Variants in ANKDD1B observed in about 807,000 individuals in gnomAD.
The protein encoded by ANKDD1B is ankyrin repeat and death domain containing 1B.
A neutral mutation model predicts 59.7 loss-of-function variants in ANKDD1B; 57 were observed. The ratio of observed to expected loss-of-function variants is 0.95; its 90% CI spans 0.77 to 1.19. ANKDD1B has a LOEUF of 1.19. ANKDD1B is among the 50% of genes most tolerant of loss of function. The pLI is 0.00. For synonymous variants in ANKDD1B, 216 were observed against 239.5 expected, an observed-to-expected ratio of 0.90 and a Z score of 0.91; for missense variants, 602 against 641.9, an observed-to-expected ratio of 0.94 and a Z score of 0.67.
chr5:75,616,801 C>G lies in ANKDD1B; in HGVS notation c.194-3C>G, dbSNP rs1352859334. ...CAGTCATGCTTGCTTTGCTTTCTTT[C>G]AGTACTCCCAAATGAGAGAAGCTTT... On this transcript the variant is annotated splice_region_variant and splice_polypyrimidine_tract_variant and intron_variant, in intron 1 of 13. Transcript: ENST00000601380. 1.4e-6 allele frequency: 2 copies of G among 1,463,556 alleles called. No homozygotes were observed. The highest frequency in any genetic ancestry group is 2.5e-5 in the South Asian group (2 of 81,188). 90.7% of individuals were successfully genotyped at this position (1,463,556 alleles called of 1,614,324 possible). A position where few individuals can be genotyped will look rare whatever the true frequency, so the allele number is the denominator to read the frequency against.
intron 12 of ANKDD1B, among the ~76,000 whole-genome samples, chr5:75,668,206 G>T (rs1579984089): frequency 1.3e-5 from 2 of 152,232 alleles, no homozygotes; most frequent in South Asian, 4.1e-4. Flanking sequence ...AGGGCCTGGA[G>T]TGTTTATTTC....
intron 10 of ANKDD1B, among the ~76,000 whole-genome samples, chr5:75,662,838 AT>A (rs1347355722): frequency 6.6e-6 from 1 of 152,118 alleles, no homozygotes; most frequent in Non-Finnish European, 1.5e-5. Flanking sequence ...GTATGGTATA[AT>A]AGAAAAAATT....
intron 5 of ANKDD1B, among the ~76,000 whole-genome samples, chr5:75,627,183 C>T (rs1024461065): frequency 1.3e-5 from 2 of 152,144 alleles, no homozygotes; most frequent in African/African-American, 4.8e-5. Flanking sequence ...TAAGCAAGCT[C>T]TTCAATTTCT....
rs1706456505 is a variant in ANKDD1B at position 75,663,468 on chromosome 5, G to C, written c.1170G>C (p.Glu390Asp). The C allele has an allele frequency of 2.0e-6, 3 of 1,536,420 alleles. No homozygotes were observed. In the African/African-American group the frequency reaches 4.1e-5, roughly 21 times the overall value. Reference protein sequence around the residue: ...SLVVGMLIKAERYYAWREEHH... With the variant: ...SLVVGMLIKADRYYAWREEHH... ...TCGTGGGCATGCTCATTAAAGCAGA[G>C]AGATACTACGCCTGGAGAGAGGTAA... The change falls in exon 11 of 14, where the codon GAG becomes GAC. Residue 390 changes from glutamate to aspartate, a missense_variant. Transcript: ENST00000601380.
chr5:75,635,512 T>G, intron 6 of ANKDD1B: 1 of 293,742 alleles, frequency 3.4e-6, no homozygotes, highest in Non-Finnish European at 6.2e-6. Context: ...GGAATTGCTT[T>G]TGTTGCTCCA....
At chr5:75,616,567 T>A (rs920750879) in intron 1 of ANKDD1B, among the ~76,000 whole-genome samples, 3 of 152,178 alleles carry the variant, frequency 2.0e-5, no homozygotes, top group African/African-American at 4.8e-5. Context: ...TCATGAATAA[T>A]GTTTTGTTTG....
chr5:75,627,734 C>T (rs1406827761), intron 5 of ANKDD1B, among the ~76,000 whole-genome samples: 4 of 152,162 alleles, frequency 2.6e-5, no homozygotes, highest in Non-Finnish European at 5.9e-5. Flanking sequence ...CAGTTATTTT[C>T]CCCTTCAATG....
In ANKDD1B at chr5:75,652,932, A is replaced by G. The variant is rs78590014; in HGVS notation, c.799-210A>G. ...GTACAGCATAGTAACATAGTAACAT[A>G]GTTAAGTACTTGTGCCATAGGAATT... On this transcript the variant is annotated intron_variant, in intron 7 of 13. Transcript: ENST00000601380. Among the ~76,000 whole-genome samples, 499 of 152,346 alleles carry G rather than the reference A, an allele frequency of 3.3e-3. 1 individual carries two copies. The highest frequency in any genetic ancestry group is 0.03 in the East Asian group (155 of 5,186).
At position 75,666,853 on chromosome 5, in the gene ANKDD1B, A is replaced by T. The variant is rs1397735689; in HGVS notation, c.1253A>T (p.His418Leu). Residue 418 changes from histidine to leucine, a missense_variant, in exon 12 of 14, where the codon CAC (histidine) becomes CTC (leucine). Coordinates refer to ENST00000601380, the MANE Select transcript of ANKDD1B (RefSeq NM_001276713.2). ...TGFTLTFKQD[H>L]SLETRHIRTL... ...TTTACTCTGACATTCAAGCAAGATC[A>T]CAGTCTGGAGACCAGACACATTCGC... 3.3e-6 allele frequency: 5 copies of T among 1,535,992 alleles called. No individual in the cohort carries two copies. The highest frequency in any genetic ancestry group is 2.7e-5 in the African/African-American group (2 of 73,160).
intron 9 of ANKDD1B, among the ~76,000 whole-genome samples, chr5:75,657,990 T>C (rs1775018747): frequency 1.1e-4 from 16 of 151,390 alleles, no homozygotes; most frequent in Admixed American, 9.9e-4. Flanking sequence ...GATAGGAGGA[T>C]TGCCTGAGGC....
chr5:75,668,303 C>T (rs34357), intron 12 of ANKDD1B, among the ~76,000 whole-genome samples: 127,934 of 151,994 alleles, frequency 0.84, 53,964 homozygotes, highest in African/African-American at 0.91. Context: ...AACAATGACA[C>T]TTGCAATTCA....
At chr5:75,615,429 A>T (rs1485414414) in intron 1 of ANKDD1B, among the ~76,000 whole-genome samples, 1 of 152,190 alleles carries the variant, frequency 6.6e-6, no homozygotes, top group Non-Finnish European at 1.5e-5. Flanking sequence ...GAGTAGGGGT[A>T]GGAACGAAGA....
intron 5 of ANKDD1B, among the ~76,000 whole-genome samples, chr5:75,627,605 A>G (rs1413748522): frequency 1.3e-5 from 2 of 152,232 alleles, no homozygotes; most frequent in Non-Finnish European, 2.9e-5. Flanking sequence ...TAGTATCAGA[A>G]TAAGGAAGTT....
Position 75,620,426 on chromosome 5 carries a change from T to C in ANKDD1B, c.396+13T>C, listed in dbSNP as rs1561432084. The C allele has an allele frequency of 6.8e-7, 1 of 1,464,018 alleles. No individual in the cohort carries two copies. Among genetic ancestry groups the C allele is most frequent in the South Asian group, 1.2e-5 (1 of 81,694 alleles). 90.7% of individuals were successfully genotyped at this position (1,464,018 alleles called of 1,614,324 possible). Reference sequence around the variant, plus strand: ...TGTTGCTGATAAGGTAAGCTCATCTTGAGTAGAACAAGTTGGAGCATAACC... The same window carrying C: ...TGTTGCTGATAAGGTAAGCTCATCTCGAGTAGAACAAGTTGGAGCATAACC... On this transcript the variant is annotated intron_variant, in intron 3 of 13. Transcript: ENST00000601380.
intron 3 of ANKDD1B, among the ~76,000 whole-genome samples, chr5:75,624,103 G>A (rs951279253): frequency 9.8e-5 from 15 of 152,320 alleles, no homozygotes; most frequent in South Asian, 2.1e-4. Context: ...CAAATAAAAT[G>A]TAGTGTGAGA....
chr5:75,638,570 A>G (rs1469951758), intron 7 of ANKDD1B, among the ~76,000 whole-genome samples: 1 of 152,248 alleles, frequency 6.6e-6, no homozygotes, highest in Non-Finnish European at 1.5e-5. Flanking sequence ...TATAAAGCAT[A>G]TGCTAGAAAT....
intron 7 of ANKDD1B, among the ~76,000 whole-genome samples, chr5:75,640,201 A>C (rs1774428196): frequency 6.6e-6 from 1 of 151,620 alleles, no homozygotes; most frequent in Non-Finnish European, 1.5e-5. Flanking sequence ...CCACCACCAT[A>C]CTCGGTTAAT....
chr5:75,616,418 CTG>C (rs1351807098), intron 1 of ANKDD1B, among the ~76,000 whole-genome samples: 2 of 152,176 alleles, frequency 1.3e-5, no homozygotes, highest in Non-Finnish European at 2.9e-5. Flanking sequence ...AGTTTTATCT[CTG>C]TAAGCTGTAG....
At position 75,620,378 on chromosome 5, in the gene ANKDD1B, C is replaced by G. The variant is rs1438915627; in HGVS notation, c.361C>G (p.Leu121Val). The change falls in exon 3 of 14, where the codon CTT becomes GTT. Residue 121 changes from leucine to valine, a missense_variant. Leu to Val is a conservative substitution (Grantham distance 32, BLOSUM62 1). Transcript: ENST00000601380. ...RNHLSAVDFLLKHKARVDVAD... is the reference protein window; with the variant it reads ...RNHLSAVDFLVKHKARVDVAD... ...TCATTTATCTGCAGTGGATTTCTTG[C>G]TTAAACACAAGGCCAGGGTGGATGT... The G allele has an allele frequency of 1.3e-6, 2 of 1,535,154 alleles. No individual in the cohort carries two copies. The highest frequency in any genetic ancestry group is 2.7e-5 in the African/African-American group (2 of 73,032).
Sources: gnomAD v4.1 joint callset for allele counts (sites outside exome capture counted in the v4.1 genomes callset) on GRCh38, gnomAD v4.1.1 for gene constraint, MANE v1.5 for transcripts, NCBI Gene and HGNC (gene_info 2026-07-23, HGNC 2026-07-21) for gene names.